CBLB: variants seen among roughly 807,000 people sequenced by gnomAD.
CBLB encodes the protein E3 ubiquitin-protein ligase CBL-B.
Under a neutral mutation model 104.9 loss-of-function variants are expected in CBLB, and 31 were observed. That is an observed-to-expected ratio of 0.30 (90% CI 0.22 to 0.40). The LOEUF (loss-of-function observed/expected upper bound fraction) is 0.40, where lower values mean the gene tolerates loss of function less well. Ranked by LOEUF, CBLB falls within the 10% of genes least tolerant of loss-of-function variation. The pLI, the probability that CBLB is intolerant of heterozygous loss-of-function variation, is 1.00. For missense variants in CBLB, 1,062 were observed against 1,214.6 expected (o/e 0.87, Z 1.87); for synonymous variants, 440 against 422.6 (o/e 1.04, Z -0.51).
chr3:105,823,826 A>C (rs2086211106), intron 3 of CBLB, among the ~76,000 whole-genome samples: 1 of 152,106 alleles, frequency 6.6e-6, no homozygotes, highest in African/African-American at 2.4e-5. Flanking sequence ...TCTCCATACC[A>C]GGGTACAAAG....
intron 3 of CBLB, among the ~76,000 whole-genome samples, chr3:105,790,130 C>T (rs578014389): frequency 1.4e-4 from 22 of 151,776 alleles, no homozygotes; most frequent in South Asian, 8.3e-4. Flanking sequence ...ATTATTTTGT[C>T]GTAATAAAAA....
At chr3:105,797,029 T>A (rs1010628329) in intron 3 of CBLB, among the ~76,000 whole-genome samples, 10 of 152,208 alleles carry the variant, frequency 6.6e-5, no homozygotes, top group Admixed American at 4.6e-4. Flanking sequence ...GCAATCTTGA[T>A]TACTCAAAGT....
chr3:105,843,626 T>C (rs1474101046), intron 3 of CBLB, among the ~76,000 whole-genome samples: 1 of 152,108 alleles, frequency 6.6e-6, no homozygotes, highest in Non-Finnish European at 1.5e-5. Flanking sequence ...CAAATTCAAT[T>C]ATATCAATAA....
At chr3:105,856,464 C>T (rs987607471) in intron 2 of CBLB, among the ~76,000 whole-genome samples, 1 of 151,766 alleles carries the variant, frequency 6.6e-6, no homozygotes, top group Non-Finnish European at 1.5e-5. Context: ...AACCATCAGC[C>T]TCTAATTTAA....
intron 10 of CBLB, among the ~76,000 whole-genome samples, chr3:105,707,919 CA>C (rs2070439897): frequency 6.6e-6 from 1 of 151,932 alleles, no homozygotes; most frequent in African/African-American, 2.4e-5. Flanking sequence ...CTTTAAAAGA[CA>C]ATGCTGTCTT....
At chr3:105,856,721 T>A (rs1475566773) in intron 2 of CBLB, among the ~76,000 whole-genome samples, 1 of 152,180 alleles carries the variant, frequency 6.6e-6, no homozygotes, top group African/African-American at 2.4e-5. Context: ...TATTTTTATC[T>A]CCAAGAAAGT....
chr3:105,804,441 AACCT>A, intron 3 of CBLB, among the ~76,000 whole-genome samples: 1 of 152,128 alleles, frequency 6.6e-6, no homozygotes, highest in Middle Eastern at 3.4e-3. Flanking sequence ...GAATCGCCTG[AACCT>A]GGGAGGTGGA....
At chr3:105,717,125 C>G (rs992073792) in intron 10 of CBLB, among the ~76,000 whole-genome samples, 1 of 151,938 alleles carries the variant, frequency 6.6e-6, no homozygotes, top group Non-Finnish European at 1.5e-5. Flanking sequence ...GCAACTTTTC[C>G]CAAATTCACA....
chr3:105,795,735 T>A (rs2082183755), intron 3 of CBLB, among the ~76,000 whole-genome samples: 1 of 151,948 alleles, frequency 6.6e-6, no homozygotes, highest in Non-Finnish European at 1.5e-5. Context: ...AACACTGTGA[T>A]TTGTTTGTTT....
intron 9 of CBLB, among the ~76,000 whole-genome samples, chr3:105,727,906 C>A (rs974859429): frequency 6.6e-6 from 1 of 152,128 alleles, no homozygotes; most frequent in Non-Finnish European, 1.5e-5. Flanking sequence ...GTCTAGATAT[C>A]TGTTTTGGTA....
chr3:105,839,173 A>T (rs1363092604), intron 3 of CBLB, among the ~76,000 whole-genome samples: 1 of 152,222 alleles, frequency 6.6e-6, no homozygotes, highest in Non-Finnish European at 1.5e-5. Flanking sequence ...AGCAGGCATT[A>T]TATAAAGGCT....
In CBLB at chr3:105,855,119, C is replaced by T. The variant is rs79707854; in HGVS notation, c.169-1455G>A. On this transcript the variant is annotated intron_variant, in intron 2 of 18. Transcript: ENST00000394030. ...AAATGGTTTAATTACTGTCAGCAAT[C>T]CCAATGAAACTGAAATAAGGCAGGC... Among the ~76,000 whole-genome samples the T allele has an allele frequency of 1.2e-3, 176 of 152,152 alleles. 2 individuals carry two copies. The East Asian group carries it at 0.021, about 18-fold the overall frequency.
At chr3:105,689,665 AGTTTT>A (rs1052959302) in intron 13 of CBLB, among the ~76,000 whole-genome samples, 76 of 151,672 alleles carry the variant, frequency 5.0e-4, no homozygotes, top group African/African-American at 1.8e-3. Flanking sequence ...AGTATCATTT[AGTTTT>A]AATTTTGAAA....
intron 3 of CBLB, among the ~76,000 whole-genome samples, chr3:105,819,190 CA>C (rs773445107): frequency 5.9e-5 from 9 of 152,068 alleles, no homozygotes; most frequent in Non-Finnish European, 1.3e-4. Context: ...ACAGATTCAT[CA>C]AAACACATAA....
chr3:105,659,113 T>G lies in CBLB; in HGVS notation c.2806A>C (p.Ile936Leu). The G allele has an allele frequency of 2.5e-6, 4 of 1,614,036 alleles. No individual in the cohort carries two copies. The highest frequency in any genetic ancestry group is 3.4e-6 in the Non-Finnish European group (4 of 1,179,934). ...EAALENVDAK[I>L]AKLMGEGYAF... is the part of the protein sequence containing the mutation. ...TAACCCTCTCCCATGAGTTTTGCAATTTTTGCATCGACATTTTCCAATGCC... is the reference window on the plus strand; with the variant it reads ...TAACCCTCTCCCATGAGTTTTGCAAGTTTTGCATCGACATTTTCCAATGCC... Residue 936 changes from isoleucine (I) to leucine (L), a missense_variant, in exon 19 of 19, where the codon ATT becomes CTT. By Grantham distance (5) the Ile-to-Leu change is conservative (BLOSUM62 2). Around this residue, in one of 2 missense-constraint regions of CBLB, gnomAD observed 605 missense variants for 582.6 expected, o/e 1.04. Transcript: ENST00000394030.
In CBLB at chr3:105,755,335, T is replaced by C. The variant is rs145770914; in HGVS notation, c.567-3717A>G. On this transcript the variant is annotated intron_variant, in intron 4 of 18. Coordinates refer to ENST00000394030, the MANE Select transcript of CBLB (RefSeq NM_170662.5). ...TTAATCAGATGCAGGGAAATAAATC[T>C]GGAAAGGTGTCAGCTGGTCAGTAGT... is the stretch of plus-strand genomic sequence containing the variant. Among the ~76,000 whole-genome samples, 19 of 152,248 alleles carry C rather than the reference T, an allele frequency of 1.2e-4. No individual in the cohort carries two copies. In the East Asian group the frequency reaches 3.1e-3, roughly 25 times the overall value.
chr3:105,698,402 T>G (rs939422900), intron 12 of CBLB, among the ~76,000 whole-genome samples: 2 of 151,990 alleles, frequency 1.3e-5, no homozygotes, highest in African/African-American at 4.8e-5. Flanking sequence ...GGACGAGTAA[T>G]GAAGGGAAGC....
chr3:105,730,514 T>C (rs906085037), intron 9 of CBLB, among the ~76,000 whole-genome samples: 1 of 152,068 alleles, frequency 6.6e-6, no homozygotes, highest in African/African-American at 2.4e-5. Context: ...TAATGACCAA[T>C]GTGCAGATAA....
chr3:105,736,615 T>C (rs868252791), intron 8 of CBLB, among the ~76,000 whole-genome samples: 3 of 152,196 alleles, frequency 2.0e-5, no homozygotes, highest in South Asian at 4.1e-4. Context: ...ACCTGTTGTA[T>C]AGATTTTTGT....
Sources: allele counts gnomAD v4.1 joint callset (sites outside exome capture counted in the v4.1 genomes callset), GRCh38; gene constraint gnomAD v4.1.1; regional missense constraint gnomAD v4.1.1; transcripts MANE v1.5; gene names NCBI Gene and HGNC (gene_info 2026-07-23, HGNC 2026-07-21).